The following BTG4 variants were observed in gnomAD, a reference collection of about 807,000 sequenced individuals.
BTG4 encodes BTG anti-proliferation factor 4.
Under a neutral mutation model 19.3 loss-of-function variants are expected in BTG4, and 10 were observed. The observed-to-expected ratio is 0.52, with a 90% CI of 0.32 to 0.88. BTG4 has a LOEUF of 0.88. BTG4 is among the 40% of genes least tolerant of loss of function. The pLI is 0.04. For synonymous variants in BTG4, 91 were observed against 95.7 expected, an observed-to-expected ratio of 0.95 and a Z score of 0.29; for missense variants, 238 against 281.9, an observed-to-expected ratio of 0.84 and a Z score of 1.11.
the BTG4 span, among the ~76,000 whole-genome samples, chr11:111,394,366 T>C: frequency 6.6e-6 from 1 of 152,198 alleles, no homozygotes; most frequent in African/African-American, 2.4e-5. Flanking sequence ...AATTGAGTCA[T>C]AGGGGCAGTT....
At chr11:111,464,683 T>G (rs981515813), downstream of BTG4, 4 of 152,186 alleles carry the variant, frequency 2.6e-5, no homozygotes, top group Non-Finnish European at 1.5e-5. Context: ...CAGGTAACCT[T>G]TTCCCTTGTA....
At chr11:111,396,342 C>T in the BTG4 span, among the ~76,000 whole-genome samples, 159 of 152,316 alleles carry the variant, frequency 1.0e-3, 1 homozygote, top group African/African-American at 3.6e-3. Context: ...GCCCACAGCA[C>T]TCCCTGTCCC....
chr11:111,422,051 A>G, the BTG4 span, among the ~76,000 whole-genome samples: 140,218 of 152,292 alleles, frequency 0.92, 64,898 homozygotes, highest in East Asian at 1. Flanking sequence ...ACTCAGGAAA[A>G]CAGTCCCTTC....
chr11:111,510,962 T>C (rs1004837620), intron 1 of BTG4, among the ~76,000 whole-genome samples: 6 of 152,202 alleles, frequency 3.9e-5, no homozygotes, highest in Admixed American at 3.9e-4. Flanking sequence ...ACTAACAATT[T>C]GGTAGAAGAG....
intron 5 of BTG4, among the ~76,000 whole-genome samples, chr11:111,472,506 G>A (rs1479604682): frequency 1.3e-5 from 2 of 152,106 alleles, no homozygotes; most frequent in East Asian, 1.9e-4. Flanking sequence ...ACAGTGCATG[G>A]GACAGCTCCC....
chr11:111,428,637 G>A, the BTG4 span, among the ~76,000 whole-genome samples: 3 of 152,178 alleles, frequency 2.0e-5, no homozygotes, highest in African/African-American at 7.2e-5. Context: ...AGGACACAAA[G>A]CTCAATGTTA....
chr11:111,497,187 G>C, intron 4 of BTG4, 24 bp downstream of exon 4: 1 of 1,592,446 alleles, frequency 6.3e-7, no homozygotes, highest in Non-Finnish European at 8.6e-7. Flanking sequence ...AAAAAGTATA[G>C]AAAAGAACTG....
the BTG4 span, chr11:111,450,992 TC>T: frequency 3.0e-5 from 5 of 169,462 alleles, no homozygotes; most frequent in African/African-American, 1.2e-4. Context: ...TCTGGACTCT[TC>T]TTGGTCACTG....
intron 5 of BTG4, among the ~76,000 whole-genome samples, chr11:111,479,055 C>T (rs1236781069): frequency 1.3e-5 from 2 of 152,014 alleles, no homozygotes; most frequent in African/African-American, 4.8e-5. Context: ...GAACTCCACA[C>T]CACCACATCA....
chr11:111,473,243 G>A (rs1864184769), intron 5 of BTG4: 1 of 152,506 alleles, frequency 6.6e-6, no homozygotes, highest in South Asian at 2.1e-4. Flanking sequence ...CAAGATCCAA[G>A]GGCACTTAAA....
the BTG4 span, among the ~76,000 whole-genome samples, chr11:111,412,676 C>T: frequency 1.3e-5 from 2 of 152,192 alleles, no homozygotes; most frequent in African/African-American, 4.8e-5. Context: ...TCATTATCCC[C>T]ACTTTATAGG....
chr11:111,503,397 A>G (rs968328062), intron 1 of BTG4, among the ~76,000 whole-genome samples: 4 of 152,244 alleles, frequency 2.6e-5, no homozygotes, highest in African/African-American at 9.6e-5. Context: ...GCCTAAGCCA[A>G]TCCCAGAGCT....
intron 1 of BTG4, among the ~76,000 whole-genome samples, chr11:111,502,263 C>T (rs192598055): frequency 1.1e-3 from 166 of 152,196 alleles, no homozygotes; most frequent in African/African-American, 3.7e-3. Flanking sequence ...TGAACCACCA[C>T]GCCCGGCCAA....
At chr11:111,483,403 C>A (rs1380648396) in intron 5 of BTG4, among the ~76,000 whole-genome samples, 1 of 152,116 alleles carries the variant, frequency 6.6e-6, no homozygotes, top group African/African-American at 2.4e-5. Flanking sequence ...AGTGACCAAT[C>A]CCACAGTGAT....
At chr11:111,459,286 G>A in the BTG4 span, among the ~76,000 whole-genome samples, 2 of 152,114 alleles carry the variant, frequency 1.3e-5, no homozygotes, top group Non-Finnish European at 2.9e-5. Context: ...TTGTAGGACT[G>A]AGTGAAATAT....
At chr11:111,444,611 ATTG>A in the BTG4 span, among the ~76,000 whole-genome samples, 1 of 152,212 alleles carries the variant, frequency 6.6e-6, no homozygotes, top group Non-Finnish European at 1.5e-5. Context: ...TTGTTATTGA[ATTG>A]TTGGTAACTC....
the BTG4 span, among the ~76,000 whole-genome samples, chr11:111,410,686 T>C: frequency 6.6e-6 from 1 of 152,144 alleles, no homozygotes; most frequent in Non-Finnish European, 1.5e-5. Context: ...ATCCTTAAAG[T>C]CCATCCTACT....
chr11:111,394,159 A>G, the BTG4 span, among the ~76,000 whole-genome samples: 1 of 152,248 alleles, frequency 6.6e-6, no homozygotes, highest in African/African-American at 2.4e-5. Flanking sequence ...GGAATGACCC[A>G]GGGAACATTA....
At chr11:111,471,145 G>T (rs504826) in intron 5 of BTG4, among the ~76,000 whole-genome samples, 148,554 of 152,244 alleles carry the variant, frequency 0.98, 72,577 homozygotes, top group Middle Eastern at 1. Flanking sequence ...CACCCAACAA[G>T]CCTGCAAAGT....
Sources: gnomAD v4.1 joint callset for allele counts (sites outside exome capture counted in the v4.1 genomes callset) on GRCh38, gnomAD v4.1.1 for gene constraint, MANE v1.5 for transcripts, NCBI Gene and HGNC (gene_info 2026-07-23, HGNC 2026-07-21) for gene names.